Variants in P2RY12 observed in about 807,000 individuals in gnomAD.
P2RY12 encodes P2Y purinoceptor 12.
Under a neutral mutation model 4.5 loss-of-function variants are expected in P2RY12, and 3 were observed. The observed-to-expected ratio is 0.67, with a 90% CI of 0.31 to 1.74. The LOEUF is 1.74. Among genes scored for constraint, P2RY12 ranks in the 40% most tolerant of loss-of-function variants. P2RY12 has a pLI of 0.09. For synonymous variants in P2RY12, 148 were observed against 154.1 expected, an observed-to-expected ratio of 0.96 and a Z score of 0.29; for missense variants, 356 against 407.8, an observed-to-expected ratio of 0.87 and a Z score of 1.09.
At chr3:151,364,385 T>A (rs1755024356) in intron 1 of P2RY12, among the ~76,000 whole-genome samples, 1 of 152,152 alleles carries the variant, frequency 6.6e-6, no homozygotes, top group Non-Finnish European at 1.5e-5. Flanking sequence ...TTTTTATGAA[T>A]GATATAATAG....
intron 1 of P2RY12, among the ~76,000 whole-genome samples, chr3:151,347,874 T>G (rs1156264035): frequency 6.6e-6 from 1 of 152,204 alleles, no homozygotes; most frequent in Non-Finnish European, 1.5e-5. Context: ...TTCGAGATCA[T>G]GGACTTGGCA....
At chr3:151,368,290 G>A (rs920116553) in intron 1 of P2RY12, 11 of 1,555,362 alleles carry the variant, frequency 7.1e-6, no homozygotes, top group Non-Finnish European at 8.0e-6. Context: ...CCTTTTCATT[G>A]GTAGCTAAAG....
chr3:151,365,179 T>C, intron 1 of P2RY12: 1 of 1,613,998 alleles, frequency 6.2e-7, no homozygotes, highest in Non-Finnish European at 8.5e-7. Context: ...CTCATGAATG[T>C]ATGTATGGGC....
intron 1 of P2RY12, among the ~76,000 whole-genome samples, chr3:151,362,305 C>T (rs781571032): frequency 6.6e-6 from 1 of 152,100 alleles, no homozygotes; most frequent in Non-Finnish European, 1.5e-5. Flanking sequence ...ATAAAATTCA[C>T]CATCCCTACC....
intron 1 of P2RY12, among the ~76,000 whole-genome samples, chr3:151,343,912 C>T (rs555499812): frequency 6.6e-6 from 1 of 151,950 alleles, no homozygotes; most frequent in Non-Finnish European, 1.5e-5. Flanking sequence ...TGTTTTAGTT[C>T]CAGTGGTCTC....
chr3:151,368,666 T>TG (rs1491410793), intron 1 of P2RY12, among the ~76,000 whole-genome samples: 34 of 78,748 alleles, frequency 4.3e-4, no homozygotes, highest in Admixed American at 2.8e-3. Context: ...TTTCATTTCA[T>TG]TTCATTTCAT....
intron 1 of P2RY12, among the ~76,000 whole-genome samples, chr3:151,356,899 A>G (rs1450856855): frequency 6.6e-6 from 1 of 152,082 alleles, no homozygotes; most frequent in African/African-American, 2.4e-5. Context: ...AATAACTTTC[A>G]TTTTATTAAA....
At chr3:151,381,475 T>C (rs1233122512) in intron 1 of P2RY12, among the ~76,000 whole-genome samples, 1 of 152,248 alleles carries the variant, frequency 6.6e-6, no homozygotes, top group African/African-American at 2.4e-5. Context: ...CCATGGTTGT[T>C]GCACTGGCCA....
chr3:151,380,956 A>G (rs1712217576), intron 1 of P2RY12, among the ~76,000 whole-genome samples: 1 of 152,206 alleles, frequency 6.6e-6, no homozygotes. Context: ...ATTGATGCCA[A>G]CCAAGTACAC....
intron 1 of P2RY12, among the ~76,000 whole-genome samples, chr3:151,365,632 A>G (rs1233977335): frequency 2.0e-5 from 3 of 150,134 alleles, no homozygotes; most frequent in South Asian, 2.2e-4. Flanking sequence ...TGTACTGATT[A>G]TTGTTTGTTG....
intron 1 of P2RY12, chr3:151,367,578 A>G: frequency 7.0e-7 from 1 of 1,420,930 alleles, no homozygotes; most frequent in East Asian, 2.5e-5. Context: ...GCATTCTCTT[A>G]GTTATTAATC....
At chr3:151,376,831 G>A in intron 1 of P2RY12, 1 of 1,613,974 alleles carries the variant, frequency 6.2e-7, no homozygotes, top group Non-Finnish European at 8.5e-7. Flanking sequence ...AGGCAATCCT[G>A]GTTAGAACTC....
chr3:151,350,229 C>T, intron 1 of P2RY12: 3 of 1,608,752 alleles, frequency 1.9e-6, no homozygotes, highest in Non-Finnish European at 2.5e-6. Flanking sequence ...AATGCATTTG[C>T]TCCCATTGTG....
In P2RY12 at chr3:151,384,051, T is replaced by C. The variant is rs772639748; in HGVS notation, c.-180+641A>G. On this transcript the variant is annotated intron_variant, in intron 1 of 2. Transcript: ENST00000302632. ...TTAAATAAGTGTATTTCAGTTTCAC[T>C]TTAAGATGAAAATAATTATTTTCTT... 5.0e-6 allele frequency: 8 copies of C among 1,596,318 alleles called. No homozygotes were observed. The South Asian group carries it at 9.1e-5, about 18-fold the overall frequency.
At chr3:151,367,652 G>A in intron 1 of P2RY12, 1 of 1,602,994 alleles carries the variant, frequency 6.2e-7, no homozygotes, top group South Asian at 1.1e-5. Context: ...GAAGGTGAGT[G>A]ACCTTTCATT....
intron 1 of P2RY12, chr3:151,360,647 C>T: frequency 6.4e-7 from 1 of 1,563,540 alleles, no homozygotes; most frequent in Non-Finnish European, 8.7e-7. Flanking sequence ...AGGATCATGC[C>T]TATGTTTGTT....
At chr3:151,352,704 T>G (rs1753387669) in intron 1 of P2RY12, among the ~76,000 whole-genome samples, 1 of 152,200 alleles carries the variant, frequency 6.6e-6, no homozygotes, top group Non-Finnish European at 1.5e-5. Flanking sequence ...AGTATAAAGT[T>G]TAAATAACAT....
chr3:151,358,349 T>C (rs1464549440), intron 1 of P2RY12, among the ~76,000 whole-genome samples: 1 of 152,152 alleles, frequency 6.6e-6, no homozygotes, highest in Admixed American at 6.6e-5. Context: ...AATTTAGTAT[T>C]ATTTTACAGC....
At chr3:151,348,340 CAAAAAAAAAAAAAAAAAA>C in intron 1 of P2RY12, among the ~76,000 whole-genome samples, 1 of 87,818 alleles carries the variant, frequency 1.1e-5, no homozygotes, top group African/African-American at 4.5e-5. Flanking sequence ...ACCACCAGAC[CAAAAAAAAAAAAAAAAAA>C]AAAAAGAAAA....
Sources: gnomAD v4.1 joint callset for allele counts (sites outside exome capture counted in the v4.1 genomes callset) on GRCh38, gnomAD v4.1.1 for gene constraint, MANE v1.5 for transcripts, NCBI Gene and HGNC (gene_info 2026-07-23, HGNC 2026-07-21) for gene names.